The following STON2 variants were observed in gnomAD, a reference collection of about 807,000 sequenced individuals.
STON2 encodes the protein stonin-2.
A neutral mutation model predicts 65.7 loss-of-function variants in STON2; 29 were observed. That is an observed-to-expected ratio of 0.44 (90% confidence interval 0.33 to 0.60). STON2 has a LOEUF of 0.60. STON2 is among the 20% of genes least tolerant of loss of function. The pLI, the probability that STON2 is intolerant of heterozygous loss-of-function variation, is 0.03. For synonymous variants in STON2, 404 were observed against 414.2 expected, an observed-to-expected ratio of 0.98 and a Z score of 0.30; for missense variants, 1,054 against 1,118.1, an observed-to-expected ratio of 0.94 and a Z score of 0.82.
intron 2 of STON2, among the ~76,000 whole-genome samples, chr14:81,423,790 C>T (rs1244118985): frequency 6.6e-6 from 1 of 152,134 alleles, no homozygotes; most frequent in African/African-American, 2.4e-5. Context: ...AAACAAGAAA[C>T]CGACGCATCC....
chr14:81,372,135 T>TCAG (rs1176593364), intron 3 of STON2, among the ~76,000 whole-genome samples: 1 of 152,228 alleles, frequency 6.6e-6, no homozygotes, highest in East Asian at 1.9e-4. Context: ...GAGAACCAAA[T>TCAG]CAGACTTTAA....
rs1370603875 is a variant in STON2 at position 81,277,071 on chromosome 14, A to G, written c.2411T>C (p.Val804Ala). The G allele has an allele frequency of 6.2e-7, 1 of 1,614,200 alleles. No individual in the cohort carries two copies. Among genetic ancestry groups the G allele is most frequent in the Non-Finnish European group, 8.5e-7 (1 of 1,180,046 alleles). Residue 804 changes from valine to alanine, a missense_variant, in exon 6 of 8, where the codon GTC (valine) becomes GCC (alanine). Coordinates refer to ENST00000614646, the MANE Select transcript of STON2 (RefSeq NM_001394390.1). ...EWVKNFRRES[V>A]LGEKSLKAKV... is the part of the protein sequence containing the mutation. ...GGCTTTCAAAGACTTTTCCCCCAGG[A>G]CACTTTCCCTGCGGAAGTTTTTCAC... is the stretch of plus-strand genomic sequence containing the variant.
rs1220342587 is a variant in STON2, at chr14:81,266,213, GTTATT to G, written c.*2196_*2200del. On this transcript the variant is annotated 3_prime_UTR_variant, in exon 8 of 8. Coordinates refer to ENST00000614646, the MANE Select transcript of STON2 (RefSeq NM_001394390.1). Reference sequence around the variant, plus strand: ...CCTTTCACAGCACGTGGGATAGGTGGTTATTTTAACTGTTGGGCATTCACAGGAAC... The same window carrying G: ...CCTTTCACAGCACGTGGGATAGGTGGTTAACTGTTGGGCATTCACAGGAAC... 2 of 568,002 alleles carry G rather than the reference GTTATT, an allele frequency of 3.5e-6. No homozygotes were observed. The highest frequency in any genetic ancestry group is 2.0e-5 in the African/African-American group (1 of 49,058). 35.2% of individuals were successfully genotyped at this position (568,002 alleles called of 1,614,324 possible). A position where few individuals can be genotyped will look rare whatever the true frequency, so the allele number is the denominator to read the frequency against.
At chr14:81,397,687 C>A (rs982784763) in intron 2 of STON2, among the ~76,000 whole-genome samples, 3 of 152,170 alleles carry the variant, frequency 2.0e-5, no homozygotes, top group South Asian at 4.1e-4. Flanking sequence ...TGACCTTCAT[C>A]CCTGAGCACA....
chr14:81,316,788 A>C (rs1896637682), intron 5 of STON2, among the ~76,000 whole-genome samples: 1 of 152,194 alleles, frequency 6.6e-6, no homozygotes. Context: ...TGGGAGGCCA[A>C]GGCGGGTGGA....
In STON2 at chr14:81,395,957, G is replaced by T. The variant is rs764198335; in HGVS notation, c.310C>A (p.Gln104Lys). Reference protein sequence around the residue: ...DLASAISNWVQFEDDTPWAST... With the variant: ...DLASAISNWVKFEDDTPWAST... ...GCCCAGGGTGTGTCATCTTCAAACT[G>T]AACCCAGTTGCTGATGGCCGAGGCC... Residue 104 changes from glutamine to lysine, a missense_variant, in exon 3 of 8, where the codon CAG becomes AAG. Transcript: ENST00000614646. The T allele has an allele frequency of 6.2e-7, 1 of 1,614,140 alleles. No individual in the cohort carries two copies. Among genetic ancestry groups the T allele is most frequent in the Admixed American group, 1.7e-5 (1 of 60,024 alleles).
chr14:81,340,463 T>C (rs893879508), intron 4 of STON2, among the ~76,000 whole-genome samples: 1 of 152,198 alleles, frequency 6.6e-6, no homozygotes, highest in Non-Finnish European at 1.5e-5. Context: ...AATGGCTCTA[T>C]AGATCTTAAA....
chr14:81,420,799 T>G (rs1901667026), intron 2 of STON2, among the ~76,000 whole-genome samples: 2 of 152,206 alleles, frequency 1.3e-5, no homozygotes, highest in Non-Finnish European at 2.9e-5. Context: ...AGGGTACCAT[T>G]GCACTCAGCC....
At chr14:81,341,047 T>C (rs994933024) in intron 4 of STON2, among the ~76,000 whole-genome samples, 2 of 152,122 alleles carry the variant, frequency 1.3e-5, no homozygotes, top group Non-Finnish European at 2.9e-5. Context: ...AGGAAGGACA[T>C]TTTTCTGCTT....
At chr14:81,296,504 G>A (rs1895766529) in intron 5 of STON2, among the ~76,000 whole-genome samples, 2 of 152,090 alleles carry the variant, frequency 1.3e-5, no homozygotes, top group Admixed American at 1.3e-4. Flanking sequence ...CCTTCATTGA[G>A]GGCATTTCCT....
intron 5 of STON2, among the ~76,000 whole-genome samples, chr14:81,283,609 C>T (rs1330014662): frequency 6.7e-6 from 1 of 148,670 alleles, no homozygotes; most frequent in African/African-American, 2.5e-5. Flanking sequence ...CGGCTCACTG[C>T]AAGTTCCGCC....
intron 2 of STON2, among the ~76,000 whole-genome samples, chr14:81,410,295 A>AAAAAAAC (rs1566948527): frequency 4.6e-5 from 7 of 150,928 alleles, no homozygotes; most frequent in African/African-American, 1.7e-4. Context: ...AAAAAAAAAA[A>AAAAAAAC]AAAAAAAAAA....
chr14:81,308,303 A>G (rs761285953), intron 5 of STON2, among the ~76,000 whole-genome samples: 6 of 152,116 alleles, frequency 3.9e-5, no homozygotes, highest in African/African-American at 7.2e-5. Flanking sequence ...TCCTGGGTTC[A>G]AGCAATTCTC....
intron 5 of STON2, among the ~76,000 whole-genome samples, chr14:81,281,495 G>A (rs1895116660): frequency 2.0e-5 from 3 of 152,126 alleles, no homozygotes; most frequent in African/African-American, 7.2e-5. Context: ...GCCCACCCCT[G>A]GCATCAGGGT....
chr14:81,263,697 G>C lies in STON2; in HGVS notation c.*4717C>G. 1 of 984,134 alleles carries C rather than the reference G, an allele frequency of 1.0e-6. No homozygotes were observed. The highest frequency in any genetic ancestry group is 5.2e-4 in the Middle Eastern group (1 of 1,914). 61.0% of individuals were successfully genotyped at this position (984,134 alleles called of 1,614,324 possible). A position where few individuals can be genotyped will look rare whatever the true frequency, so the allele number is the denominator to read the frequency against. On this transcript the variant is annotated 3_prime_UTR_variant, in exon 8 of 8. Coordinates refer to ENST00000614646, the MANE Select transcript of STON2 (RefSeq NM_001394390.1). ...CAAAAGATTGGACCTCCCTGACTAA[G>C]GTCTAGATATGCTGGAATTAACATA...
intron 3 of STON2, among the ~76,000 whole-genome samples, chr14:81,381,770 G>A (rs1899530711): frequency 6.6e-6 from 1 of 152,112 alleles, no homozygotes; most frequent in Non-Finnish European, 1.5e-5. Context: ...GTTGTTATCT[G>A]ATTAAGCTGA....
At chr14:81,339,197 T>A (rs1355712991) in intron 4 of STON2, among the ~76,000 whole-genome samples, 1 of 152,124 alleles carries the variant, frequency 6.6e-6, no homozygotes, top group Non-Finnish European at 1.5e-5. Context: ...CCTAGGTAGG[T>A]TCTTTGTCTT....
At chr14:81,342,148 T>G (rs538223690) in intron 4 of STON2, among the ~76,000 whole-genome samples, 16 of 146,880 alleles carry the variant, frequency 1.1e-4, no homozygotes, top group East Asian at 3.9e-4. Flanking sequence ...AGTTTTTTTG[T>G]TTTTTTTTTG....
At chr14:81,317,772 C>T (rs79504770) in intron 5 of STON2, among the ~76,000 whole-genome samples, 2,579 of 152,230 alleles carry the variant, frequency 0.017, 70 homozygotes, top group African/African-American at 0.052. Context: ...AAAGTAAAGA[C>T]ACCACACACA....
Sources: gnomAD v4.1 joint callset for allele counts (sites outside exome capture counted in the v4.1 genomes callset) on GRCh38, gnomAD v4.1.1 for gene constraint, MANE v1.5 for transcripts, NCBI Gene and HGNC (gene_info 2026-07-23, HGNC 2026-07-21) for gene names.